The following ANKRD62 variants were observed in gnomAD, a reference collection of about 807,000 sequenced individuals.
The protein encoded by ANKRD62 is ankyrin repeat domain 62, also known as ankyrin repeat domain-containing protein 62.
ANKRD62 carries 61 observed loss-of-function variants against 98.8 expected under a neutral mutation model. The ratio of observed to expected loss-of-function variants is 0.62; its 90% CI spans 0.50 to 0.76. ANKRD62 has a LOEUF of 0.76. Ranked by LOEUF, ANKRD62 falls within the 30% of genes least tolerant of loss-of-function variation. ANKRD62 has a pLI of 0.00. For synonymous variants in ANKRD62, 341 were observed against 367.9 expected (o/e 0.93, Z 0.84); for missense variants, 933 against 1,082.9 (o/e 0.86, Z 1.94).
At chr18:12,178,183 A>T in the ANKRD62 span, among the ~76,000 whole-genome samples, 28 of 151,600 alleles carry the variant, frequency 1.8e-4, no homozygotes, top group African/African-American at 6.4e-4. Context: ...GTAAGGCAAG[A>T]CCTGAAAGAC....
chr18:12,141,323 C>G, the ANKRD62 span, among the ~76,000 whole-genome samples: 1 of 152,202 alleles, frequency 6.6e-6, no homozygotes, highest in Non-Finnish European at 1.5e-5. Context: ...ATGCCTCGCC[C>G]TGCTTCAGCT....
the ANKRD62 span, among the ~76,000 whole-genome samples, chr18:12,178,140 G>A: frequency 6.6e-6 from 1 of 151,598 alleles, no homozygotes; most frequent in African/African-American, 2.4e-5. Context: ...CCAAATTTGA[G>A]AGGCCAGGAG....
the ANKRD62 span, among the ~76,000 whole-genome samples, chr18:12,136,426 A>G: frequency 1.3e-5 from 2 of 152,174 alleles, no homozygotes; most frequent in South Asian, 4.1e-4. Flanking sequence ...TACCAGTACC[A>G]TGCTGTTTTG....
At chr18:12,131,520 T>C (rs1316582391), downstream of ANKRD62, among the ~76,000 whole-genome samples, 1 of 150,406 alleles carries the variant, frequency 6.6e-6, no homozygotes, top group African/African-American at 2.5e-5. Flanking sequence ...TGTGTATCCC[T>C]TTTTTTTCTG....
the ANKRD62 span, among the ~76,000 whole-genome samples, chr18:12,137,639 G>C: frequency 6.6e-6 from 1 of 152,288 alleles, no homozygotes; most frequent in Admixed American, 6.5e-5. Context: ...GCTCCTCCTT[G>C]TACCTCTGGT....
intron 8 of ANKRD62, among the ~76,000 whole-genome samples, chr18:12,112,090 G>A (rs775989181): frequency 2.4e-4 from 27 of 114,566 alleles, no homozygotes; most frequent in East Asian, 2.0e-3. Flanking sequence ...AGCCCAGGCC[G>A]ACAACAGCAA....
the ANKRD62 span, among the ~76,000 whole-genome samples, chr18:12,171,456 A>T: frequency 2.0e-5 from 3 of 152,176 alleles, no homozygotes; most frequent in African/African-American, 7.2e-5. Flanking sequence ...AAGAACGTTG[A>T]ATATTGGCCC....
the ANKRD62 span, among the ~76,000 whole-genome samples, chr18:12,144,950 C>T: frequency 1.4e-5 from 2 of 143,940 alleles, no homozygotes; most frequent in Admixed American, 7.1e-5. Context: ...TCGAGGCCAG[C>T]TGGGCAACAT....
chr18:12,114,739 CTTTG>C (rs760109870), intron 8 of ANKRD62, among the ~76,000 whole-genome samples: 18 of 152,144 alleles, frequency 1.2e-4, no homozygotes, highest in African/African-American at 4.1e-4. Context: ...ACCAGTAAAA[CTTTG>C]TTTGTATTGA....
rs559726022 is a variant in ANKRD62 at position 12,113,053 on chromosome 18, C to A, written c.1065-2035C>A. ...GGGACTACAGGCATGCCCTACCACA[C>A]CCTGCTAATTTTTGTATTTTTAGCA... On this transcript the variant is annotated intron_variant, in intron 8 of 13. Transcript: ENST00000587848. Among the ~76,000 whole-genome samples, 13 of 152,258 alleles carry A rather than the reference C, an allele frequency of 8.5e-5. No homozygotes were observed. In the South Asian group the frequency reaches 2.7e-3, roughly 32 times the overall value.
the ANKRD62 span, among the ~76,000 whole-genome samples, chr18:12,145,517 G>A: frequency 6.6e-6 from 1 of 150,530 alleles, no homozygotes; most frequent in Non-Finnish European, 1.5e-5. Flanking sequence ...GATGTGGATG[G>A]GGTCCCCCAG....
At chr18:12,131,470 A>G (rs565859022), downstream of ANKRD62, among the ~76,000 whole-genome samples, 1 of 152,328 alleles carries the variant, frequency 6.6e-6, no homozygotes, top group East Asian at 1.9e-4. Context: ...TCATTAGTTT[A>G]TCATCTTCAA....
the ANKRD62 span, among the ~76,000 whole-genome samples, chr18:12,169,402 G>A: frequency 1.3e-5 from 2 of 152,082 alleles, no homozygotes; most frequent in Admixed American, 1.3e-4. Context: ...TGTGGTTTTT[G>A]TCTTTGGTTC....
chr18:12,145,534 A>C, the ANKRD62 span, among the ~76,000 whole-genome samples: 2 of 151,382 alleles, frequency 1.3e-5, no homozygotes, highest in Non-Finnish European at 2.9e-5. Context: ...CCAGCACATC[A>C]CAGCTGCCCT....
the ANKRD62 span, among the ~76,000 whole-genome samples, chr18:12,152,555 A>G: frequency 6.6e-6 from 1 of 152,204 alleles, no homozygotes; most frequent in East Asian, 1.9e-4. Context: ...AAAACTCTCA[A>G]TGAACTGATG....
chr18:12,121,084 A>G (rs1295262339), intron 10 of ANKRD62, among the ~76,000 whole-genome samples: 1 of 152,180 alleles, frequency 6.6e-6, no homozygotes, highest in Non-Finnish European at 1.5e-5. Context: ...TCATCATGAC[A>G]AATTTACGAT....
chr18:12,114,955 A>G (rs374968140), intron 8 of ANKRD62, 133 bp from the exon 9 acceptor site: 11 of 710,318 alleles, frequency 1.5e-5, no homozygotes, highest in African/African-American at 9.2e-5. Flanking sequence ...CTGTAAAAAC[A>G]TTACCTGTAA....
chr18:12,169,778 T>A, the ANKRD62 span, among the ~76,000 whole-genome samples: 1 of 151,942 alleles, frequency 6.6e-6, no homozygotes, highest in Non-Finnish European at 1.5e-5. Flanking sequence ...TTTTTTTGGT[T>A]GGTAGGCTAT....
At chr18:12,167,171 A>G in the ANKRD62 span, among the ~76,000 whole-genome samples, 1 of 151,976 alleles carries the variant, frequency 6.6e-6, no homozygotes, top group East Asian at 1.9e-4. Flanking sequence ...GTTCTAGGGT[A>G]CATGTGCACA....
Sources: allele counts gnomAD v4.1 joint callset (sites outside exome capture counted in the v4.1 genomes callset), GRCh38; gene constraint gnomAD v4.1.1; transcripts MANE v1.5; gene names NCBI Gene and HGNC (gene_info 2026-07-23, HGNC 2026-07-21).